Variants in UBE3A observed in about 807,000 individuals in gnomAD.
The protein encoded by UBE3A is ubiquitin protein ligase E3A.
In UBE3A, 6 loss-of-function variants were observed where a neutral mutation model predicts 83.4. The ratio of observed to expected loss-of-function variants is 0.07; its 90% CI spans 0.04 to 0.14. The LOEUF is 0.14. Ranked by LOEUF, UBE3A falls within the 10% of genes least tolerant of loss-of-function variation. UBE3A has a pLI of 1.00. For synonymous variants in UBE3A, 337 were observed against 355.4 expected (o/e 0.95, Z 0.58); for missense variants, 456 against 1,036.1 (o/e 0.44, Z 7.69).
chr15:25,423,003 A>G (rs1890284421), intron 1 of UBE3A, among the ~76,000 whole-genome samples: 1 of 151,964 alleles, frequency 6.6e-6, no homozygotes, highest in African/African-American at 2.4e-5. Context: ...AGTTTTTGTA[A>G]TATATATATG....
intron 2 of UBE3A, among the ~76,000 whole-genome samples, chr15:25,410,002 G>C (rs1243540234): frequency 6.6e-6 from 1 of 151,944 alleles, no homozygotes; most frequent in Non-Finnish European, 1.5e-5. Flanking sequence ...TGTGGGGTGG[G>C]GGGAAGGGGA....
chr15:25,368,444 C>T (rs572534687), intron 6 of UBE3A, among the ~76,000 whole-genome samples: 1 of 152,122 alleles, frequency 6.6e-6, no homozygotes, highest in African/African-American at 2.4e-5. Context: ...GTAAAATCTG[C>T]TTAGTGTGAG....
chr15:25,410,276 C>T (rs1361157790), intron 2 of UBE3A, among the ~76,000 whole-genome samples: 1 of 152,148 alleles, frequency 6.6e-6, no homozygotes, highest in African/African-American at 2.4e-5. Context: ...ATCCTCCTCC[C>T]TCAACCAAAT....
At chr15:25,361,827 T>TTTTTAA (rs1413320433) in intron 6 of UBE3A, among the ~76,000 whole-genome samples, 1 of 152,206 alleles carries the variant, frequency 6.6e-6, no homozygotes, top group African/African-American at 2.4e-5. Context: ...CAAACAGAAT[T>TTTTTAA]TTAAAAATGG....
At chr15:25,355,752 G>A (rs1269871061) in intron 9 of UBE3A, 140 bp downstream of exon 9, 2 of 842,670 alleles carry the variant, frequency 2.4e-6, no homozygotes, top group Non-Finnish European at 3.6e-6. Context: ...TTAGAAAAGT[G>A]GACTCTAGCA....
chr15:25,398,820 T>TACAC (rs2086381726), intron 4 of UBE3A, among the ~76,000 whole-genome samples: 1 of 127,150 alleles, frequency 7.9e-6, no homozygotes, highest in Admixed American at 8.1e-5. Flanking sequence ...TATATAAAAA[T>TACAC]ACATATATAT....
chr15:25,401,868 ATT>A (rs2087207198), intron 4 of UBE3A, among the ~76,000 whole-genome samples: 1 of 151,790 alleles, frequency 6.6e-6, no homozygotes, highest in Admixed American at 6.6e-5. Context: ...CATTCCATTT[ATT>A]GCATTTTCAG....
At chr15:25,374,773 G>C (rs918615969) in intron 5 of UBE3A, 1 of 152,338 alleles carries the variant, frequency 6.6e-6, no homozygotes, top group Non-Finnish European at 1.5e-5. Flanking sequence ...GTGGAGGGGC[G>C]CTAAGCCCTG....
Position 25,401,808 on chromosome 15 carries a change from T to C in UBE3A, c.62+3653A>G, listed in dbSNP as rs535460518. Among the ~76,000 whole-genome samples, 4 of 152,322 alleles carry C rather than the reference T, an allele frequency of 2.6e-5. No individual in the cohort carries two copies. The South Asian group carries it at 8.3e-4, about 32-fold the overall frequency. On this transcript the variant is annotated intron_variant, in intron 4 of 12. Transcript: ENST00000648336. ...AAATAACCTGTCTTTTGAGTTCAGATTCTTTTGTCTGCTTGCTCAATTCTG... is the reference window on the plus strand; with the variant it reads ...AAATAACCTGTCTTTTGAGTTCAGACTCTTTTGTCTGCTTGCTCAATTCTG...
intron 1 of UBE3A, among the ~76,000 whole-genome samples, chr15:25,422,404 T>C (rs1387790632): frequency 2.0e-5 from 3 of 152,304 alleles, no homozygotes; most frequent in African/African-American, 7.2e-5. Flanking sequence ...GTGCATTTCA[T>C]TGTGTATCAA....
At chr15:25,376,369 G>A (rs1435117954) in intron 4 of UBE3A, among the ~76,000 whole-genome samples, 1 of 152,180 alleles carries the variant, frequency 6.6e-6, no homozygotes, top group Non-Finnish European at 1.5e-5. Context: ...CAGCCTGAGT[G>A]AGGCAGATCA....
At chr15:25,412,107 A>G (rs1405484368) in intron 1 of UBE3A, 136 bp from the exon 2 acceptor site, 1 of 152,236 alleles carries the variant, frequency 6.6e-6, no homozygotes, top group Non-Finnish European at 1.5e-5. Context: ...GTATCAAGAA[A>G]CAAATTACTG....
chr15:25,419,765 A>G (rs1360794485), intron 1 of UBE3A, among the ~76,000 whole-genome samples: 1 of 152,122 alleles, frequency 6.6e-6, no homozygotes, highest in Non-Finnish European at 1.5e-5. Flanking sequence ...AATGAGGGAG[A>G]GTAAATGGAT....
intron 3 of UBE3A, chr15:25,406,968 G>A: frequency 1.6e-6 from 1 of 638,170 alleles, no homozygotes; most frequent in Non-Finnish European, 2.1e-6. Flanking sequence ...TAAAAACTGG[G>A]GCATGCTGGA....
Position 25,341,362 on chromosome 15 carries a change from C to T in UBE3A, c.2355-1134G>A, listed in dbSNP as rs1306094983. On this transcript the variant is annotated intron_variant, in intron 11 of 12. Coordinates refer to ENST00000648336, the MANE Select transcript of UBE3A (RefSeq NM_130839.5). ...CTGGGATTGCAGGCATGAGCCACCG[C>T]GCCTGGCCTATAGCTAAATAATGTT... Among the ~76,000 whole-genome samples the T allele has an allele frequency of 3.3e-5, 5 of 150,880 alleles. No individual in the cohort carries two copies. The East Asian group carries it at 9.8e-4, about 30-fold the overall frequency.
Position 25,340,228 on chromosome 15 carries a change from C to T in UBE3A, c.2355G>A (p.Arg785=), listed in dbSNP as rs587783103. Residue 785 remains arginine, a splice_region_variant and synonymous_variant, in exon 12 of 13, where the codon AGG becomes AGA. Transcript: ENST00000648336. Reference sequence around the variant, plus strand: ...ATGAATGAACGATTTCCCAGAACTCCCTAATGAGAAAAAATACAATACTGG... The same window carrying T: ...ATGAATGAACGATTTCCCAGAACTCTCTAATGAGAAAAAATACAATACTGG... The part of the protein sequence containing the change: ...GGYTRDSVLI[R]EFWEIVHSFT... 2.9e-5 allele frequency: 46 copies of T among 1,612,338 alleles called. No individual in the cohort carries two copies. The highest frequency in any genetic ancestry group is 5.0e-5 in the Admixed American group (3 of 59,986).
chr15:25,379,383 T>G (rs535388202), intron 4 of UBE3A, among the ~76,000 whole-genome samples: 6 of 152,228 alleles, frequency 3.9e-5, no homozygotes, highest in African/African-American at 1.4e-4. Context: ...CTACTAAACT[T>G]GAGCTTTTAA....
intron 1 of UBE3A, chr15:25,420,858 A>C (rs1368236018): frequency 6.6e-6 from 1 of 152,220 alleles, no homozygotes; most frequent in African/African-American, 2.4e-5. Context: ...TTATATACCA[A>C]TGTTCATAGC....
chr15:25,339,109 TTTTTG>T lies in UBE3A; in HGVS notation c.*23_*27del, dbSNP rs752549669. The T allele has an allele frequency of 8.1e-6, 12 of 1,478,466 alleles. No homozygotes were observed. The highest frequency in any genetic ancestry group is 1.4e-5 in the African/African-American group (1 of 69,958). The allele number at this position is 1,478,466 out of a possible 1,614,324, so 91.6% of individuals were successfully genotyped here. A position where few individuals can be genotyped will look rare whatever the true frequency, so the allele number is the denominator to read the frequency against. On this transcript the variant is annotated 3_prime_UTR_variant, in exon 13 of 13. Coordinates refer to ENST00000648336, the MANE Select transcript of UBE3A (RefSeq NM_130839.5). ...TTTTTTCTTTTTTTTTCCTTCCTTT[TTTTTG>T]TTTTATTTTGTTTTGTTTTGTTTTA...
Sources: allele counts gnomAD v4.1 joint callset (sites outside exome capture counted in the v4.1 genomes callset), GRCh38; gene constraint gnomAD v4.1.1; transcripts MANE v1.5; gene names NCBI Gene and HGNC (gene_info 2026-07-23, HGNC 2026-07-21).